The following TENM1 variants were observed in gnomAD, a reference collection of about 807,000 sequenced individuals.
TENM1 encodes the protein teneurin transmembrane protein 1.
A neutral mutation model predicts 174.8 loss-of-function variants in TENM1; 35 were observed. The observed-to-expected ratio is 0.20, with a 90% confidence interval of 0.15 to 0.27. The LOEUF is 0.27. Among genes scored for constraint, TENM1 ranks in the 10% least tolerant of loss-of-function variants. The pLI, the probability that TENM1 is intolerant of heterozygous loss-of-function variation, is 1.00. For synonymous variants in TENM1, 781 were observed against 798.7 expected (o/e 0.98, Z 0.37); for missense variants, 1,633 against 2,130.1 (o/e 0.77, Z 4.59).
intron 1 of TENM1, among the ~76,000 whole-genome samples, chrX:124,914,660 C>T (rs2057892670): frequency 9.0e-6 from 1 of 111,352 alleles, no homozygotes; most frequent in Non-Finnish European, 1.9e-5. Flanking sequence ...CTAGGCATCC[C>T]CCATACCATC....
rs2060287193 is a variant in TENM1, at chrX:124,392,040, C to G, written c.5688+12G>C. On this transcript the variant is annotated intron_variant, in intron 28 of 31. Transcript: ENST00000422452. ...GAAACTTGAAACTTGTCTTTTTCCC[C>G]TATGTACTTACTTTTTCTAAGTAGG... is the stretch of plus-strand genomic sequence containing the variant. 8.5e-6 allele frequency: 10 copies of G among 1,179,175 alleles called. No homozygotes were observed. Among genetic ancestry groups the G allele is most frequent in the Non-Finnish European group, 1.1e-5 (10 of 876,824 alleles).
chrX:125,160,433 CAGGAGAATTGTTGAGGT>C, the TENM1 span, among the ~76,000 whole-genome samples: 1 of 101,571 alleles, frequency 9.8e-6, no homozygotes, highest in South Asian at 4.7e-4. Flanking sequence ...GAGGCTGAGG[CAGGAGAATTGTTGAGGT>C]AGGAGAATTG....
At chrX:124,981,071 T>C in the TENM1 span, among the ~76,000 whole-genome samples, 1 of 111,966 alleles carries the variant, frequency 8.9e-6, no homozygotes, top group Non-Finnish European at 1.9e-5. Context: ...CAAAGCACTT[T>C]AGACTTTTTC....
At chrX:124,727,775 A>G (rs1418028160) in intron 4 of TENM1, among the ~76,000 whole-genome samples, 2 of 111,600 alleles carry the variant, frequency 1.8e-5, no homozygotes, top group Non-Finnish European at 3.8e-5. Context: ...GAAAGAAGAA[A>G]GGAAACTAAA....
intron 1 of TENM1, among the ~76,000 whole-genome samples, chrX:124,920,552 G>T (rs1407562357): frequency 9.0e-6 from 1 of 110,581 alleles, no homozygotes; most frequent in Non-Finnish European, 1.9e-5. Context: ...CTGATTGCTG[G>T]GTCACAATGC....
At chrX:124,416,212 C>A (rs1380782737) in intron 25 of TENM1, among the ~76,000 whole-genome samples, 2 of 111,618 alleles carry the variant, frequency 1.8e-5, no homozygotes, top group Non-Finnish European at 3.8e-5. Flanking sequence ...ATTTCTATCA[C>A]CCCCAAGATA....
the TENM1 span, among the ~76,000 whole-genome samples, chrX:125,060,125 T>C: frequency 1.8e-5 from 2 of 108,188 alleles, no homozygotes; most frequent in Non-Finnish European, 1.9e-5. Context: ...ATAATCAATT[T>C]TTCTCTCTCC....
intron 25 of TENM1, among the ~76,000 whole-genome samples, chrX:124,414,641 A>T (rs980497613): frequency 5.6e-4 from 62 of 111,385 alleles, no homozygotes; most frequent in African/African-American, 1.9e-3. Context: ...GGTCCAAGTC[A>T]AATGGAATTA....
intron 5 of TENM1, among the ~76,000 whole-genome samples, chrX:124,693,335 T>C (rs1017663104): frequency 9.0e-6 from 1 of 111,522 alleles, no homozygotes; most frequent in African/African-American, 3.3e-5. Context: ...TTTTAAATAT[T>C]AGTTTTATTT....
chrX:124,512,441 G>T lies in TENM1; in HGVS notation c.3301+8076C>A, dbSNP rs1416756886. On this transcript the variant is annotated intron_variant, in intron 18 of 31. Coordinates refer to ENST00000422452, the Ensembl canonical transcript of TENM1. Reference sequence around the variant, plus strand: ...ATGGAGTTTTTAGCAGGGGAGGCTTGTCTGTGTATCAGACAACAAAATCTT... The same window carrying T: ...ATGGAGTTTTTAGCAGGGGAGGCTTTTCTGTGTATCAGACAACAAAATCTT... 3.6e-5 allele frequency among the ~76,000 whole-genome samples: 4 copies of T among 111,590 alleles called. No homozygotes were observed. The Admixed American group carries it at 3.8e-4, about 11-fold the overall frequency.
intron 1 of TENM1, among the ~76,000 whole-genome samples, chrX:124,928,841 C>T (rs908668206): frequency 9.0e-6 from 1 of 111,339 alleles, no homozygotes; most frequent in East Asian, 2.8e-4. Flanking sequence ...CTTAAATGAC[C>T]ATGCTATGCT....
At chrX:125,061,871 T>G in the TENM1 span, among the ~76,000 whole-genome samples, 20 of 112,120 alleles carry the variant, frequency 1.8e-4, no homozygotes, top group Admixed American at 1.9e-3. Flanking sequence ...ACCACCACAC[T>G]AACTCTGTAT....
chrX:124,741,130 G>T (rs982734008), intron 3 of TENM1, among the ~76,000 whole-genome samples: 8 of 111,940 alleles, frequency 7.1e-5, no homozygotes, highest in African/African-American at 1.3e-4. Flanking sequence ...GTAGATTTGA[G>T]ACATTTTAAG....
chrX:124,425,990 G>A (rs1282914533), intron 23 of TENM1, among the ~76,000 whole-genome samples: 2 of 86,577 alleles, frequency 2.3e-5, no homozygotes, highest in Non-Finnish European at 4.6e-5. Context: ...GGAAGCAAAA[G>A]GACTGGTGTG....
the TENM1 span, among the ~76,000 whole-genome samples, chrX:125,178,942 G>T: frequency 9.2e-6 from 1 of 108,825 alleles, no homozygotes; most frequent in Non-Finnish European, 1.9e-5. Context: ...ATTCACTTCA[G>T]CCTGGGTGAA....
At chrX:124,985,229 A>T in the TENM1 span, among the ~76,000 whole-genome samples, 1 of 112,330 alleles carries the variant, frequency 8.9e-6, no homozygotes, top group African/African-American at 3.2e-5. Context: ...AAAGACTATA[A>T]TCCATTCACT....
chrX:124,751,437 T>G (rs1797546449), intron 3 of TENM1, among the ~76,000 whole-genome samples: 1 of 111,691 alleles, frequency 9.0e-6, no homozygotes, highest in African/African-American at 3.3e-5. Flanking sequence ...AACTAGAAAC[T>G]CTAGAAATAG....
At chrX:125,141,522 A>C in the TENM1 span, among the ~76,000 whole-genome samples, 1 of 111,375 alleles carries the variant, frequency 9.0e-6, no homozygotes, top group African/African-American at 3.3e-5. Context: ...CTGGGTTTTC[A>C]TTTCTTAAAA....
chrX:124,583,539 T>C (rs1341524739), intron 11 of TENM1, among the ~76,000 whole-genome samples: 53 of 110,331 alleles, frequency 4.8e-4, no homozygotes, highest in African/African-American at 1.7e-3. Context: ...CATCTGTACA[T>C]CACCATCATC....
Sources: allele counts gnomAD v4.1 joint callset (sites outside exome capture counted in the v4.1 genomes callset), GRCh38; gene constraint gnomAD v4.1.1; transcripts MANE v1.5; gene names NCBI Gene and HGNC (gene_info 2026-07-23, HGNC 2026-07-21).